TMEM178B: variants seen among roughly 807,000 people sequenced by gnomAD.
TMEM178B encodes the protein transmembrane protein 178B.
In TMEM178B, 5 loss-of-function variants were observed where a neutral mutation model predicts 31.0. The observed-to-expected ratio is 0.16, with a 90% CI of 0.08 to 0.34. The LOEUF is 0.34. Among genes scored for constraint, TMEM178B ranks in the 10% least tolerant of loss-of-function variants. The pLI is 1.00. For missense variants in TMEM178B, 275 were observed against 400.3 expected (o/e 0.69, Z 2.67); for synonymous variants, 164 against 164.0 (o/e 1.00, Z 0.00).
intron 2 of TMEM178B, among the ~76,000 whole-genome samples, chr7:141,408,445 C>G (rs1471894111): frequency 6.6e-6 from 1 of 152,210 alleles, no homozygotes; most frequent in Non-Finnish European, 1.5e-5. Flanking sequence ...TATTTCATTT[C>G]AGCAGGTCTG....
At chr7:141,218,080 C>G (rs913471901) in intron 2 of TMEM178B, among the ~76,000 whole-genome samples, 3 of 151,668 alleles carry the variant, frequency 2.0e-5, no homozygotes, top group African/African-American at 4.9e-5. Flanking sequence ...CTCCCTACCC[C>G]CAACCCCGCA....
the TMEM178B span, among the ~76,000 whole-genome samples, chr7:141,498,661 C>T: frequency 1.3e-5 from 2 of 152,224 alleles, no homozygotes; most frequent in South Asian, 2.1e-4. Context: ...GTCTGTTCCA[C>T]TGCCTCATCC....
At chr7:141,334,412 A>G (rs1799349399) in intron 2 of TMEM178B, among the ~76,000 whole-genome samples, 1 of 152,212 alleles carries the variant, frequency 6.6e-6, no homozygotes, top group South Asian at 2.1e-4. Context: ...CGTTTGTCTC[A>G]TAGAACGTAG....
intron 1 of TMEM178B, among the ~76,000 whole-genome samples, chr7:141,097,365 C>CAAAAAAAAAAAAAAAAAAAAAAAAAAA (rs10718738): frequency 1.2e-5 from 1 of 85,304 alleles, no homozygotes; most frequent in African/African-American, 4.5e-5. Context: ...GACTCCGTCT[C>CAAAAAAAAAAAAAAAAAAAAAAAAAAA]AAAAAAAAAA....
At chr7:141,124,641 T>C (rs1795460542) in intron 1 of TMEM178B, among the ~76,000 whole-genome samples, 1 of 152,218 alleles carries the variant, frequency 6.6e-6, no homozygotes, top group Non-Finnish European at 1.5e-5. Context: ...ATTTATTTTG[T>C]TTCCCCAGCA....
chr7:141,434,899 G>C (rs141473509), intron 2 of TMEM178B, among the ~76,000 whole-genome samples: 2 of 152,294 alleles, frequency 1.3e-5, no homozygotes, highest in African/African-American at 4.8e-5. Flanking sequence ...TTGACATAAT[G>C]ACCTCCAGTT....
chr7:141,229,628 T>C (rs1454092042), intron 2 of TMEM178B, among the ~76,000 whole-genome samples: 1 of 152,002 alleles, frequency 6.6e-6, no homozygotes, highest in Non-Finnish European at 1.5e-5. Flanking sequence ...CTATAATCAA[T>C]AGGCAAATTA....
chr7:141,381,317 T>C (rs1800310850), intron 2 of TMEM178B, among the ~76,000 whole-genome samples: 1 of 152,184 alleles, frequency 6.6e-6, no homozygotes, highest in African/African-American at 2.4e-5. Flanking sequence ...TAATTCTAGT[T>C]TTTTATTCAT....
intron 1 of TMEM178B, among the ~76,000 whole-genome samples, chr7:141,140,721 G>A (rs1224589409): frequency 6.6e-6 from 1 of 152,172 alleles, no homozygotes; most frequent in Non-Finnish European, 1.5e-5. Context: ...ACGGTTTTGA[G>A]GAGTACTGGT....
chr7:141,130,728 T>A (rs560504150), intron 1 of TMEM178B, among the ~76,000 whole-genome samples: 44 of 152,286 alleles, frequency 2.9e-4, no homozygotes, highest in African/African-American at 1.0e-3. Flanking sequence ...ATAATAATAA[T>A]AACTGAGACT....
chr7:141,292,284 A>G (rs1403630519), intron 2 of TMEM178B, among the ~76,000 whole-genome samples: 8 of 152,262 alleles, frequency 5.3e-5, no homozygotes, highest in Admixed American at 3.3e-4. Flanking sequence ...TTCTCAACCT[A>G]CTGTGTCATA....
intron 2 of TMEM178B, among the ~76,000 whole-genome samples, chr7:141,425,148 C>A (rs1490177893): frequency 6.6e-6 from 1 of 152,222 alleles, no homozygotes; most frequent in Non-Finnish European, 1.5e-5. Context: ...TTAGTAAATG[C>A]ATAATCAGTG....
intron 2 of TMEM178B, among the ~76,000 whole-genome samples, chr7:141,261,719 G>A (rs1419357672): frequency 3.3e-5 from 5 of 152,122 alleles, no homozygotes; most frequent in African/African-American, 1.2e-4. Flanking sequence ...TAGCACAAGG[G>A]CCAGGGAAAG....
At position 141,475,170 on chromosome 7, in the gene TMEM178B, ACACCAGCAGGGTTGC is replaced by A. The variant is rs1244574887; in HGVS notation, c.*4386_*4400del. 1.3e-5 allele frequency: 2 copies of A among 152,184 alleles called. No individual in the cohort carries two copies. The highest frequency in any genetic ancestry group is 4.8e-5 in the African/African-American group (2 of 41,432). 9.4% of individuals were successfully genotyped at this position (152,184 alleles called of 1,614,324 possible). ...CAGTGCAGATAGGAAGAGCTGGTGC[ACACCAGCAGGGTTGC>A]CTTCCATGCCATCTTCCAGCTGGTG... is the stretch of plus-strand genomic sequence containing the variant. On this transcript the variant is annotated 3_prime_UTR_variant, in exon 4 of 4. Coordinates refer to ENST00000565468, the MANE Select transcript of TMEM178B (RefSeq NM_001195278.2).
In TMEM178B at chr7:141,463,637, C is replaced by A. The variant is rs189408678; in HGVS notation, c.635-6899C>A. Among the ~76,000 whole-genome samples the A allele has an allele frequency of 5.9e-5, 9 of 152,318 alleles. No homozygotes were observed. The East Asian group carries it at 1.7e-3, about 29-fold the overall frequency. On this transcript the variant is annotated intron_variant, in intron 3 of 3. Transcript: ENST00000565468. ...GGGGAGATGCTACTTCCGAAGAAGGCCAGGGACAGTCTGAGAGAATGACAT... is the reference window on the plus strand; with the variant it reads ...GGGGAGATGCTACTTCCGAAGAAGGACAGGGACAGTCTGAGAGAATGACAT...
chr7:141,226,600 C>G (rs1797345400), intron 2 of TMEM178B, among the ~76,000 whole-genome samples: 1 of 152,088 alleles, frequency 6.6e-6, no homozygotes, highest in African/African-American at 2.4e-5. Context: ...TGCCTGTAAT[C>G]CCAGCATTTA....
chr7:141,284,575 C>T (rs11973211), intron 2 of TMEM178B, among the ~76,000 whole-genome samples: 58,537 of 151,964 alleles, frequency 0.39, 12,169 homozygotes, highest in Admixed American at 0.48. Flanking sequence ...TTTTAGCTGC[C>T]CTTCTCTAGA....
chr7:141,134,434 A>G (rs951454541), intron 1 of TMEM178B, among the ~76,000 whole-genome samples: 43 of 152,308 alleles, frequency 2.8e-4, no homozygotes, highest in African/African-American at 8.7e-4. Flanking sequence ...CTGAACCTAC[A>G]AGAACTGCTT....
At chr7:141,089,238 C>T (rs1472538843) in intron 1 of TMEM178B, among the ~76,000 whole-genome samples, 1 of 152,178 alleles carries the variant, frequency 6.6e-6, no homozygotes, top group African/African-American at 2.4e-5. Flanking sequence ...GATGAGGGGA[C>T]ATCCAGCAAG....
Sources: allele counts gnomAD v4.1 joint callset (sites outside exome capture counted in the v4.1 genomes callset), GRCh38; gene constraint gnomAD v4.1.1; transcripts MANE v1.5; gene names NCBI Gene and HGNC (gene_info 2026-07-23, HGNC 2026-07-21).